MAP3K9: variants seen among roughly 807,000 people sequenced by gnomAD.
MAP3K9 encodes mixed lineage kinase 1 (tyr and ser/thr specificity).
A neutral mutation model predicts 95.8 loss-of-function variants in MAP3K9; 46 were observed. The observed-to-expected ratio is 0.48, with a 90% CI of 0.38 to 0.61. MAP3K9 has a LOEUF of 0.61. Among genes scored for constraint, MAP3K9 ranks in the 20% least tolerant of loss-of-function variants. The probability of loss-of-function intolerance (pLI) is 0.00; values close to 1 mark genes in which losing one functional copy is unlikely to be tolerated. For missense variants in MAP3K9, 1,296 were observed against 1,474.3 expected, an observed-to-expected ratio of 0.88 and a Z score of 1.98; for synonymous variants, 533 against 593.8, an observed-to-expected ratio of 0.90 and a Z score of 1.49.
At chr14:70,808,612 C>G (rs1352804862) in intron 1 of MAP3K9, among the ~76,000 whole-genome samples, 154 bp downstream of exon 1, 1 of 151,920 alleles carries the variant, frequency 6.6e-6, no homozygotes. Flanking sequence ...AAGCAAAGCC[C>G]GGGCAGCCTA....
chr14:70,761,196 A>G lies in MAP3K9; in HGVS notation c.821-14T>C, dbSNP rs3814872. 3.1e-6 allele frequency: 5 copies of G among 1,600,850 alleles called. No homozygotes were observed. In the East Asian group the frequency reaches 1.1e-4, roughly 36 times the overall value. Reference sequence around the variant, plus strand: ...GGAGGATCAATACTAGGCAAGGAAAAGAATACAGAAGAAACCAGAGTCTGC... The same window carrying G: ...GGAGGATCAATACTAGGCAAGGAAAGGAATACAGAAGAAACCAGAGTCTGC... On this transcript the variant is annotated splice_polypyrimidine_tract_variant and intron_variant, in intron 2 of 11. Coordinates refer to ENST00000554752, the MANE Select transcript of MAP3K9 (RefSeq NM_001284230.2).
At chr14:70,739,838 G>A in intron 7 of MAP3K9, 1 of 1,481,886 alleles carries the variant, frequency 6.7e-7, no homozygotes, top group Non-Finnish European at 9.1e-7. Context: ...CTAAAAGGTA[G>A]AGGGGGCAGT....
intron 2 of MAP3K9, among the ~76,000 whole-genome samples, chr14:70,799,808 C>T (rs2054908795): frequency 6.6e-6 from 1 of 152,180 alleles, no homozygotes; most frequent in East Asian, 1.9e-4. Context: ...CACCCAAAGT[C>T]CTTCAACTCA....
intron 3 of MAP3K9, among the ~76,000 whole-genome samples, chr14:70,760,236 C>T (rs2054354717): frequency 6.6e-6 from 1 of 151,164 alleles, no homozygotes; most frequent in Admixed American, 6.6e-5. Flanking sequence ...TAATGATAAA[C>T]TACAGTCCTT....
chr14:70,755,845 T>G (rs748686217), intron 3 of MAP3K9, among the ~76,000 whole-genome samples: 1 of 152,194 alleles, frequency 6.6e-6, no homozygotes, highest in Non-Finnish European at 1.5e-5. Flanking sequence ...TCAGGAGGCT[T>G]AAGTCCTGGG....
intron 2 of MAP3K9, among the ~76,000 whole-genome samples, chr14:70,770,986 C>T (rs567385685): frequency 1.8e-4 from 27 of 151,680 alleles, no homozygotes; most frequent in African/African-American, 6.0e-4. Flanking sequence ...TTACCCTTTC[C>T]AAGAAGAAAA....
At chr14:70,795,522 G>A (rs540639984) in intron 2 of MAP3K9, among the ~76,000 whole-genome samples, 130 of 146,186 alleles carry the variant, frequency 8.9e-4, no homozygotes, top group Non-Finnish European at 1.7e-3. Context: ...GTGTTGCCTA[G>A]GCTGGTCTCA....
intron 2 of MAP3K9, among the ~76,000 whole-genome samples, chr14:70,775,770 TGCCCTTTCCACTAGAACCCAGGAG>T (rs1184923440): frequency 6.6e-6 from 1 of 152,242 alleles, no homozygotes; most frequent in Non-Finnish European, 1.5e-5. Flanking sequence ...CTAAGTCCAC[TGCCCTTTCCACTAGAACCCAGGAG>T]GTCCTGGACT....
At position 70,733,348 on chromosome 14, in the gene MAP3K9, A is replaced by G; in HGVS notation, c.2027-6T>C. 8.3e-7 allele frequency: 1 copy of G among 1,206,382 alleles called. No individual in the cohort carries two copies. The highest frequency in any genetic ancestry group is 1.2e-6 in the Non-Finnish European group (1 of 848,542). 74.7% of individuals were successfully genotyped at this position (1,206,382 alleles called of 1,614,324 possible). A position where few individuals can be genotyped will look rare whatever the true frequency, so the allele number is the denominator to read the frequency against. On this transcript the variant is annotated splice_region_variant and splice_polypyrimidine_tract_variant and intron_variant, in intron 10 of 11. Coordinates refer to ENST00000554752, the MANE Select transcript of MAP3K9 (RefSeq NM_001284230.2). ...GCCTTCACTGTCCTCATCCTCTGTG[A>G]AGATGACAAGAGTGGAAGAGAAACA...
At position 70,729,351 on chromosome 14, in the gene MAP3K9, G is replaced by A. The variant is rs1171347316; in HGVS notation, c.*1029C>T. 6.6e-6 allele frequency: 1 copy of A among 152,226 alleles called. No homozygotes were observed. The highest frequency in any genetic ancestry group is 2.4e-5 in the African/African-American group (1 of 41,442). The allele number at this position is 152,226 out of a possible 1,614,324, so 9.4% of individuals were successfully genotyped here. A position where few individuals can be genotyped will look rare whatever the true frequency, so the allele number is the denominator to read the frequency against. On this transcript the variant is annotated 3_prime_UTR_variant, in exon 12 of 12. Transcript: ENST00000554752. ...TGCTTCATAGCTGTTCTAGGGCATT[G>A]CGGTGATATCTACTAACCAAACATA...
intron 2 of MAP3K9, among the ~76,000 whole-genome samples, chr14:70,790,551 C>G (rs956603858): frequency 7.9e-5 from 12 of 152,310 alleles, no homozygotes; most frequent in Non-Finnish European, 1.5e-4. Context: ...TACACAGATG[C>G]CCAATTTAAG....
At chr14:70,790,833 T>G (rs1216327492) in intron 2 of MAP3K9, among the ~76,000 whole-genome samples, 1 of 152,206 alleles carries the variant, frequency 6.6e-6, no homozygotes, top group Non-Finnish European at 1.5e-5. Context: ...ACCAGACCAC[T>G]GACATCACTG....
Position 70,809,399 on chromosome 14 carries a change from G to T in MAP3K9, c.-228C>A. 2.3e-6 allele frequency: 1 copy of T among 441,468 alleles called. No individual in the cohort carries two copies. The allele number at this position is 441,468 out of a possible 1,614,324, so 27.3% of individuals were successfully genotyped here. On this transcript the variant is annotated 5_prime_UTR_variant, in exon 1 of 12. Transcript: ENST00000554752. ...GCGCAGCCTAGGGGCGCAGCGGGCC[G>T]AGTCCCCGCCTGCCCGCTCGCCCCC...
In MAP3K9 at chr14:70,734,416, G is replaced by C. The variant is rs1221091703; in HGVS notation, c.1996C>G (p.Leu666Val). The change falls in exon 10 of 12, where the codon CTG becomes GTG. Residue 666 changes from leucine to valine, a missense_variant. Physicochemically the swap from Leu to Val is conservative, Grantham distance 32. This residue lies in a region of MAP3K9 where 377 missense variants were observed against 417.1 expected (regional missense o/e 0.90). Transcript: ENST00000554752. ...LVKGPRSSPA[L>V]PGFTSLMEME... Reference sequence around the variant, plus strand: ...TCCATAAGGCTGGTGAACCCTGGCAGGGCCGGGCTACTCCTTGGGCCCTTC... The same window carrying C: ...TCCATAAGGCTGGTGAACCCTGGCACGGCCGGGCTACTCCTTGGGCCCTTC... 1 of 1,613,972 alleles carries C rather than the reference G, an allele frequency of 6.2e-7. No individual in the cohort carries two copies. The highest frequency in any genetic ancestry group is 1.3e-5 in the African/African-American group (1 of 74,938).
chr14:70,754,058 C>T (rs1172703715), intron 3 of MAP3K9, among the ~76,000 whole-genome samples: 1 of 152,220 alleles, frequency 6.6e-6, no homozygotes, highest in African/African-American at 2.4e-5. Flanking sequence ...TATGATTCCA[C>T]ATTCCAGGAA....
chr14:70,778,595 C>T (rs1432600023), intron 2 of MAP3K9, among the ~76,000 whole-genome samples: 1 of 152,140 alleles, frequency 6.6e-6, no homozygotes, highest in Non-Finnish European at 1.5e-5. Flanking sequence ...TCATTCTGGC[C>T]ATATAAGTCT....
chr14:70,742,734 T>C (rs1594771943), intron 5 of MAP3K9, 143 bp from the exon 6 acceptor site: 3 of 928,414 alleles, frequency 3.2e-6, no homozygotes, highest in East Asian at 5.2e-5. Context: ...GAGGACTCGA[T>C]AGCTGGTAAA....
intron 9 of MAP3K9, among the ~76,000 whole-genome samples, chr14:70,735,124 C>T (rs2053966100): frequency 6.6e-6 from 1 of 152,226 alleles, no homozygotes; most frequent in African/African-American, 2.4e-5. Flanking sequence ...AGCCCTTGGT[C>T]TGTCTGGGGG....
rs147509181 is a variant in MAP3K9, at chr14:70,730,853, T to A, written c.2842A>T (p.Thr948Ser). ...SPSPGAGMLK[T>S]PSPSRDPGEF... ...CCTGGGTCTCGGCTGGGACTGGGGG[T>A]TTTCAACATTCCTGGTCAAAAAGAC... The change falls in exon 12 of 12, where the codon ACC (threonine) becomes TCC (serine). Residue 948 changes from threonine (T) to serine (S), a missense_variant. Transcript: ENST00000554752. 1.7e-3 allele frequency: 2,703 copies of A among 1,594,816 alleles called. 8 individuals carry two copies. Among genetic ancestry groups the A allele is most frequent in the Non-Finnish European group, 2.2e-3 (2,529 of 1,174,032 alleles).
Sources: gnomAD v4.1 joint callset for allele counts (sites outside exome capture counted in the v4.1 genomes callset) on GRCh38, gnomAD v4.1.1 for gene constraint, gnomAD v4.1.1 regional missense constraint, MANE v1.5 for transcripts, NCBI Gene and HGNC (gene_info 2026-07-23, HGNC 2026-07-21) for gene names.